SYN2: variants seen among roughly 807,000 people sequenced by gnomAD.
The protein encoded by SYN2 is synapsin-2.
In SYN2, 19 loss-of-function variants were observed where a neutral mutation model predicts 50.9. The ratio of observed to expected loss-of-function variants is 0.37; its 90% confidence interval spans 0.26 to 0.55. The LOEUF (loss-of-function observed/expected upper bound fraction) is 0.55. SYN2 is among the 20% of genes least tolerant of loss of function. The pLI, the probability that SYN2 is intolerant of heterozygous loss-of-function variation, is 0.81. For synonymous variants in SYN2, 255 were observed against 224.9 expected (o/e 1.13, Z -1.20); for missense variants, 587 against 576.4 (o/e 1.02, Z -0.19).
chr3:12,145,649 A>G (rs1228748939), intron 3 of SYN2, 30 bp from the exon 4 acceptor site: 11 of 1,610,172 alleles, frequency 6.8e-6, no homozygotes, highest in Non-Finnish European at 8.5e-6. Context: ...GTGCTGGTTA[A>G]TGGCAAACCT....
At chr3:12,153,343 G>A in intron 5 of SYN2, 1 of 718,566 alleles carries the variant, frequency 1.4e-6, no homozygotes. Flanking sequence ...CTGAGGGCAG[G>A]GCAGAAAAGT....
chr3:12,108,874 A>G (rs1696258631), intron 1 of SYN2, among the ~76,000 whole-genome samples: 1 of 148,830 alleles, frequency 6.7e-6, no homozygotes, highest in Non-Finnish European at 1.5e-5. Flanking sequence ...TTTCTTGACC[A>G]TCATCTGCTT....
chr3:12,025,190 T>C (rs1694229966), intron 1 of SYN2, among the ~76,000 whole-genome samples: 1 of 151,762 alleles, frequency 6.6e-6, no homozygotes, highest in Non-Finnish European at 1.5e-5. Flanking sequence ...CTCTCTTCTC[T>C]TGACTTCATC....
rs138653237 is a variant in SYN2, at chr3:12,025,082, C to T, written c.377+20154C>T. Among the ~76,000 whole-genome samples the T allele has an allele frequency of 5.5e-3, 831 of 152,248 alleles. 11 individuals carry two copies. The highest frequency in any genetic ancestry group is 0.019 in the African/African-American group (784 of 41,548). On this transcript the variant is annotated intron_variant, in intron 1 of 12. Transcript: ENST00000621198. ...GAGGGCCCTCTTTCTGGCTTGTAGA[C>T]GGCACCTTCTTGCTATGCCCCTACA...
intron 1 of SYN2, among the ~76,000 whole-genome samples, chr3:12,052,185 A>G (rs991162076): frequency 7.9e-5 from 12 of 152,332 alleles, no homozygotes; most frequent in African/African-American, 2.4e-4. Context: ...ACTGTATGCT[A>G]TATATCATTT....
intron 10 of SYN2, among the ~76,000 whole-genome samples, chr3:12,179,181 A>G (rs933866674): frequency 5.3e-5 from 8 of 151,976 alleles, no homozygotes; most frequent in Admixed American, 4.6e-4. Context: ...TACCAGCCCA[A>G]TTAGCTTTGA....
chr3:12,108,614 A>G (rs1247066322), intron 1 of SYN2, among the ~76,000 whole-genome samples: 1 of 152,184 alleles, frequency 6.6e-6, no homozygotes, highest in African/African-American at 2.4e-5. Flanking sequence ...CTTTTTAAAT[A>G]CAGAGTCCCT....
At chr3:12,104,079 AAAG>A (rs1373638078) in intron 1 of SYN2, among the ~76,000 whole-genome samples, 1 of 152,230 alleles carries the variant, frequency 6.6e-6, no homozygotes, top group Non-Finnish European at 1.5e-5. Context: ...AGCTTGGAAA[AAAG>A]AATGCTAGAG....
intron 1 of SYN2, among the ~76,000 whole-genome samples, chr3:12,127,090 A>G (rs1001217843): frequency 6.6e-6 from 1 of 152,252 alleles, no homozygotes; most frequent in African/African-American, 2.4e-5. Flanking sequence ...CAACAGCACT[A>G]CATAATGAAC....
intron 10 of SYN2, among the ~76,000 whole-genome samples, chr3:12,174,204 T>G (rs978382207): frequency 2.0e-5 from 3 of 152,134 alleles, no homozygotes; most frequent in Non-Finnish European, 4.4e-5. Context: ...TCTCCTGCCC[T>G]GACCACCCCT....
At chr3:12,066,858 A>G (rs1353789723) in intron 1 of SYN2, among the ~76,000 whole-genome samples, 4 of 152,158 alleles carry the variant, frequency 2.6e-5, no homozygotes, top group Non-Finnish European at 5.9e-5. Context: ...GGCCTCAGGA[A>G]GCTTACAATG....
intron 1 of SYN2, among the ~76,000 whole-genome samples, chr3:12,113,745 T>C (rs1696374100): frequency 6.6e-6 from 1 of 152,220 alleles, no homozygotes; most frequent in South Asian, 2.1e-4. Flanking sequence ...GTGTAATCTT[T>C]TCAAGTTTAA....
chr3:12,111,809 T>C (rs1321386710), intron 1 of SYN2, among the ~76,000 whole-genome samples: 1 of 152,204 alleles, frequency 6.6e-6, no homozygotes. Context: ...CCTAGGGATA[T>C]TGACTACTGT....
chr3:12,004,531 G>T lies in SYN2; in HGVS notation c.-21G>T, dbSNP rs751220745. On this transcript the variant is annotated 5_prime_UTR_variant, in exon 1 of 13. Transcript: ENST00000621198. ...GCCACCAGACCCCGTAGCCCCGCGC[G>T]CCCCCAGCCCTTTAAGCCAGATGAT... is the stretch of plus-strand genomic sequence containing the variant. 1 of 591,972 alleles carries T rather than the reference G, an allele frequency of 1.7e-6. No individual in the cohort carries two copies. Among genetic ancestry groups the T allele is most frequent in the East Asian group, 3.4e-5 (1 of 29,442 alleles). The allele number at this position is 591,972 out of a possible 1,614,324, so 36.7% of individuals were successfully genotyped here. A position where few individuals can be genotyped will look rare whatever the true frequency, so the allele number is the denominator to read the frequency against.
chr3:12,167,120 G>T (rs1330862576), intron 7 of SYN2, 114 bp from the exon 8 acceptor site: 5 of 1,063,766 alleles, frequency 4.7e-6, no homozygotes, highest in South Asian at 4.2e-5. Flanking sequence ...TGGGCTACTT[G>T]TGGGAGAAGC....
intron 3 of SYN2, among the ~76,000 whole-genome samples, chr3:12,143,247 A>T (rs1339487548): frequency 6.6e-6 from 1 of 152,168 alleles, no homozygotes; most frequent in Non-Finnish European, 1.5e-5. Context: ...ACTGGGACAC[A>T]AGAAGGTCAG....
chr3:12,111,267 C>T (rs1696308595), intron 1 of SYN2, among the ~76,000 whole-genome samples: 1 of 152,158 alleles, frequency 6.6e-6, no homozygotes, highest in Non-Finnish European at 1.5e-5. Flanking sequence ...ATGACTTGCT[C>T]CTCCTTGCCT....
At chr3:12,096,958 G>A (rs1206464367) in intron 1 of SYN2, among the ~76,000 whole-genome samples, 1 of 152,038 alleles carries the variant, frequency 6.6e-6, no homozygotes, top group Non-Finnish European at 1.5e-5. Flanking sequence ...AAGGAAAATA[G>A]GAGCAGAGAG....
intron 1 of SYN2, among the ~76,000 whole-genome samples, chr3:12,109,213 G>A (rs991667125): frequency 2.0e-5 from 3 of 152,194 alleles, no homozygotes; most frequent in Admixed American, 2.0e-4. Context: ...CAGTGCTAAA[G>A]GCACAGTAGT....
Sources: allele counts gnomAD v4.1 joint callset (sites outside exome capture counted in the v4.1 genomes callset), GRCh38; gene constraint gnomAD v4.1.1; transcripts MANE v1.5; gene names NCBI Gene and HGNC (gene_info 2026-07-23, HGNC 2026-07-21).